Variants in SLC9A9 observed in about 807,000 individuals in gnomAD.
SLC9A9 encodes sodium/hydrogen exchanger 9.
Under a neutral mutation model 77.8 loss-of-function variants are expected in SLC9A9, and 62 were observed. That is an observed-to-expected ratio of 0.80 (90% confidence interval 0.65 to 0.98). SLC9A9 has a LOEUF of 0.98. SLC9A9 is among the 50% of genes least tolerant of loss of function. SLC9A9 has a pLI of 0.00. For synonymous variants in SLC9A9, 320 were observed against 283.5 expected (o/e 1.13, Z -1.29); for missense variants, 775 against 774.9 (o/e 1.00, Z 0.00).
chr3:143,442,230 A>C (rs775632251), intron 12 of SLC9A9, among the ~76,000 whole-genome samples: 1 of 152,184 alleles, frequency 6.6e-6, no homozygotes, highest in Non-Finnish European at 1.5e-5. Flanking sequence ...CTTCCTACAA[A>C]ACAGTTTCTG....
Position 143,438,516 on chromosome 3 carries a change from C to G in SLC9A9, c.1469+28521G>C, listed in dbSNP as rs2034667594. 2.0e-5 allele frequency among the ~76,000 whole-genome samples: 3 copies of G among 152,272 alleles called. No individual in the cohort carries two copies. In the East Asian group the frequency reaches 5.8e-4, roughly 29 times the overall value. The stretch of plus-strand genomic sequence containing the variant: ...TTCTCCCCATTCCAGCCTGAGAAAT[C>G]TAGTCCAGTCATTCCCAAACCTGTG... On this transcript the variant is annotated intron_variant, in intron 12 of 15. Transcript: ENST00000316549.
In SLC9A9 at chr3:143,581,239, G is replaced by A. The variant is rs538457134; in HGVS notation, c.756-2516C>T. 9.6e-4 allele frequency among the ~76,000 whole-genome samples: 146 copies of A among 152,234 alleles called. 1 individual carries two copies. The highest frequency in any genetic ancestry group is 1.8e-3 in the Non-Finnish European group (122 of 68,016). On this transcript the variant is annotated intron_variant, in intron 6 of 15. Coordinates refer to ENST00000316549, the MANE Select transcript of SLC9A9 (RefSeq NM_173653.4). ...TAAAGAAAGGCAAGGAGGCAGGTGA[G>A]TTCAGGGCAATTGCAAGACATGGCT...
intron 4 of SLC9A9, among the ~76,000 whole-genome samples, chr3:143,784,876 G>A (rs1169316098): frequency 2.0e-5 from 3 of 152,142 alleles, no homozygotes; most frequent in Non-Finnish European, 4.4e-5. Context: ...TGAGTGAGAT[G>A]AGTGCCCTTA....
intron 13 of SLC9A9, among the ~76,000 whole-genome samples, chr3:143,373,819 G>GA (rs1245113930): frequency 2.0e-5 from 3 of 151,884 alleles, no homozygotes; most frequent in Admixed American, 6.6e-5. Context: ...AGTGATATGA[G>GA]AAAAAAATAT....
chr3:143,345,325 C>T (rs1027076330), intron 14 of SLC9A9, among the ~76,000 whole-genome samples: 2 of 151,924 alleles, frequency 1.3e-5, no homozygotes, highest in Admixed American at 6.6e-5. Context: ...GAAAGATGAA[C>T]CTGAAAATGG....
At chr3:143,430,111 A>G (rs2034484403) in intron 12 of SLC9A9, among the ~76,000 whole-genome samples, 2 of 152,194 alleles carry the variant, frequency 1.3e-5, no homozygotes, top group African/African-American at 4.8e-5. Flanking sequence ...CAGTCTTATC[A>G]GTTGTTTACA....
chr3:143,820,968 A>G (rs1039871296), intron 2 of SLC9A9, among the ~76,000 whole-genome samples: 1 of 150,240 alleles, frequency 6.7e-6, no homozygotes, highest in African/African-American at 2.5e-5. Flanking sequence ...GTGTGTATGC[A>G]GCTTCCCCCA....
intron 6 of SLC9A9, among the ~76,000 whole-genome samples, chr3:143,622,591 G>A (rs1305325344): frequency 6.6e-6 from 1 of 152,102 alleles, no homozygotes; most frequent in African/African-American, 2.4e-5. Flanking sequence ...CACCAGGCCT[G>A]CCCTAAAAGA....
chr3:143,503,340 AG>A (rs2035957720), intron 9 of SLC9A9: 1 of 304,600 alleles, frequency 3.3e-6, no homozygotes, highest in South Asian at 2.9e-5. Context: ...TGGTCATATC[AG>A]GAAATGAGCT....
intron 13 of SLC9A9, among the ~76,000 whole-genome samples, chr3:143,372,908 C>T (rs2033089967): frequency 6.6e-6 from 1 of 152,092 alleles, no homozygotes; most frequent in African/African-American, 2.4e-5. Context: ...CAATGAGATA[C>T]TACTTTACTC....
intron 4 of SLC9A9, among the ~76,000 whole-genome samples, chr3:143,724,526 T>C (rs1934587906): frequency 6.6e-6 from 1 of 152,236 alleles, no homozygotes; most frequent in South Asian, 2.1e-4. Context: ...GAAAGCTCTC[T>C]TTGGGTAAAG....
At chr3:143,471,454 T>C (rs1410325534) in intron 11 of SLC9A9, among the ~76,000 whole-genome samples, 1 of 152,200 alleles carries the variant, frequency 6.6e-6, no homozygotes, top group African/African-American at 2.4e-5. Context: ...GATTTTAGGA[T>C]TGAAATAGAT....
intron 12 of SLC9A9, among the ~76,000 whole-genome samples, chr3:143,386,925 C>T (rs2033439884): frequency 6.6e-6 from 1 of 152,196 alleles, no homozygotes; most frequent in Non-Finnish European, 1.5e-5. Flanking sequence ...ACTGCAACCT[C>T]CACCTCCTGG....
intron 6 of SLC9A9, among the ~76,000 whole-genome samples, chr3:143,619,399 C>T (rs181040903): frequency 3.7e-4 from 57 of 152,248 alleles, no homozygotes; most frequent in Non-Finnish European, 6.8e-4. Context: ...CAAAGCAAAC[C>T]GGAACCATTA....
chr3:143,403,793 G>T (rs918612201), intron 12 of SLC9A9, among the ~76,000 whole-genome samples: 3 of 152,156 alleles, frequency 2.0e-5, no homozygotes, highest in African/African-American at 7.2e-5. Flanking sequence ...AGTATAATGT[G>T]TCTTGATATG....
At chr3:143,819,736 A>G (rs72997303) in intron 2 of SLC9A9, among the ~76,000 whole-genome samples, 1,897 of 152,354 alleles carry the variant, frequency 0.012, 38 homozygotes, top group African/African-American at 0.044. Flanking sequence ...ACTATTTGCC[A>G]ATTAGTCATA....
chr3:143,428,065 A>T lies in SLC9A9; in HGVS notation c.1469+38972T>A, dbSNP rs80142789. ...AAAATAAGAAAGCACAGACAACGAA[A>T]CTAAAATTAGACAAATAGGATTACA... is the stretch of plus-strand genomic sequence containing the variant. On this transcript the variant is annotated intron_variant, in intron 12 of 15. Transcript: ENST00000316549. Among the ~76,000 whole-genome samples, 119 of 152,348 alleles carry T rather than the reference A, an allele frequency of 7.8e-4. 2 individuals carry two copies. In the East Asian group the frequency reaches 0.023, roughly 29 times the overall value.
At chr3:143,830,236 G>A (rs552166085) in intron 2 of SLC9A9, among the ~76,000 whole-genome samples, 2 of 152,280 alleles carry the variant, frequency 1.3e-5, no homozygotes, top group East Asian at 1.9e-4. Flanking sequence ...CCAGCAATGA[G>A]AGGAGGACTT....
chr3:143,742,087 A>T (rs961596460), intron 4 of SLC9A9, among the ~76,000 whole-genome samples: 7 of 152,056 alleles, frequency 4.6e-5, no homozygotes, highest in African/African-American at 1.7e-4. Flanking sequence ...TGCTCTTAAG[A>T]TCAGTGCTGG....
Sources: gnomAD v4.1 joint callset for allele counts (sites outside exome capture counted in the v4.1 genomes callset) on GRCh38, gnomAD v4.1.1 for gene constraint, MANE v1.5 for transcripts, NCBI Gene and HGNC (gene_info 2026-07-23, HGNC 2026-07-21) for gene names.